Variants in ZNF649 observed in about 807,000 individuals in gnomAD.
ZNF649 encodes zinc finger protein 649.
A neutral mutation model predicts 14.1 loss-of-function variants in ZNF649; 7 were observed. The ratio of observed to expected loss-of-function variants is 0.49; its 90% CI spans 0.28 to 0.93. ZNF649 has a LOEUF of 0.93. Among genes scored for constraint, ZNF649 ranks in the 40% least tolerant of loss-of-function variants. The pLI is 0.10. For synonymous variants in ZNF649, 227 were observed against 212.3 expected, an observed-to-expected ratio of 1.07 and a Z score of -0.60; for missense variants, 544 against 608.1, an observed-to-expected ratio of 0.89 and a Z score of 1.11.
intron 1 of ZNF649, among the ~76,000 whole-genome samples, chr19:51,903,318 G>C (rs978233871): frequency 6.6e-6 from 1 of 151,928 alleles, no homozygotes; most frequent in Non-Finnish European, 1.5e-5. Flanking sequence ...CCTGTTGCCA[G>C]GCAGAGCTAA....
chr19:51,897,374 T>C (rs536492534), intron 2 of ZNF649, among the ~76,000 whole-genome samples: 160 of 152,302 alleles, frequency 1.1e-3, no homozygotes, highest in African/African-American at 3.8e-3. Flanking sequence ...CAGCCATCCA[T>C]TAATCCAACA....
Position 51,891,595 on chromosome 19 carries a change from T to C in ZNF649, c.541A>G (p.Thr181Ala). 1 of 1,614,250 alleles carries C rather than the reference T, an allele frequency of 6.2e-7. No individual in the cohort carries two copies. ...THNIEKAHECTDCGKAFLKKS... is the reference protein window; with the variant it reads ...THNIEKAHECADCGKAFLKKS... The stretch of plus-strand genomic sequence containing the variant: ...TTGAGGAAAGCTTTCCCACAGTCAG[T>C]GCATTCATGGGCTTTCTCTATGTTG... Residue 181 changes from threonine (T) to alanine (A), a missense_variant, in exon 5 of 5, where the codon ACT becomes GCT. Thr to Ala is a moderately conservative substitution (Grantham distance 58). Coordinates refer to ENST00000354957, the MANE Select transcript of ZNF649 (RefSeq NM_023074.4). This position sits in a 1 kb window ranked among gnomAD's most constrained non-coding sequence, Gnocchi z 4.2.
At chr19:51,899,865 G>C in intron 2 of ZNF649, 1 of 387,092 alleles carries the variant, frequency 2.6e-6, no homozygotes, top group East Asian at 3.7e-5. Context: ...GTAGCCAACA[G>C]GGTCTGGCAG....
At chr19:51,893,654 A>G (rs2085038939) in intron 4 of ZNF649, among the ~76,000 whole-genome samples, 1 of 152,182 alleles carries the variant, frequency 6.6e-6, no homozygotes, top group African/African-American at 2.4e-5. Flanking sequence ...CCAAATATGG[A>G]AACTGTCACC....
rs1444602765 is a variant in ZNF649 at position 51,900,225 on chromosome 19, T to C, written c.-118A>G. 2.4e-6 allele frequency: 2 copies of C among 817,598 alleles called. No individual in the cohort carries two copies. Among genetic ancestry groups the C allele is most frequent in the Admixed American group, 2.9e-5 (1 of 33,926 alleles). The allele number at this position is 817,598 out of a possible 1,614,324, so 50.6% of individuals were successfully genotyped here. ...CTCCATTTAAGAGTGTTCCCAGAAA[T>C]GATGACATCCACATCCAGGAACCTC... On this transcript the variant is annotated 5_prime_UTR_variant, in exon 2 of 5. Transcript: ENST00000354957.
Position 51,896,861 on chromosome 19 carries a change from C to G in ZNF649, c.133G>C (p.Val45Leu), listed in dbSNP as rs1425330953. Residue 45 changes from valine to leucine, a missense_variant, in exon 3 of 5, where the codon GTG (valine) becomes CTG (leucine). Transcript: ENST00000354957. ...GGGCAGCTGTCCTCACCCACTGACA[C>G]AAGGTTGCTGTAGTTCTCCAACATC... ...DVMLENYSNL[V>L]SVGYQAGKPD... 6.2e-7 allele frequency: 1 copy of G among 1,614,150 alleles called. No individual in the cohort carries two copies. Among genetic ancestry groups the G allele is most frequent in the Non-Finnish European group, 8.5e-7 (1 of 1,180,026 alleles).
Position 51,890,629 on chromosome 19 carries a change from G to T in ZNF649, c.1507C>A (p.Leu503Met). ...VAGQCEFAHI[L>M]HS ...CAGCAAACTGTTTATCATGAATGCA[G>T]GATGTGGGCAAACTCACACTGCCCT... The change falls in exon 5 of 5, where the codon CTG becomes ATG. Residue 503 changes from leucine to methionine, a missense_variant. Transcript: ENST00000354957. The T allele has an allele frequency of 6.2e-7, 1 of 1,607,462 alleles. No homozygotes were observed. Among genetic ancestry groups the T allele is most frequent in the South Asian group, 1.1e-5 (1 of 90,690 alleles).
At chr19:51,897,979 G>A (rs985274882) in intron 2 of ZNF649, among the ~76,000 whole-genome samples, 7 of 151,386 alleles carry the variant, frequency 4.6e-5, no homozygotes, top group Non-Finnish European at 1.5e-5. Context: ...AAAATTAGGT[G>A]GGCATGGTGG....
rs758965428 is a variant in ZNF649 at position 51,896,566 on chromosome 19, C to T, written c.144G>A (p.Gly48=). 1 of 1,614,104 alleles carries T rather than the reference C, an allele frequency of 6.2e-7. No individual in the cohort carries two copies. The highest frequency in any genetic ancestry group is 2.2e-5 in the East Asian group (1 of 44,882). ...GGGCATCAGGTTTGCCGGCTTGATA[C>T]CCTGTTTGTGGGAAATGGGAGAAGA... ...LENYSNLVSV[G]YQAGKPDALT... is the part of the protein sequence containing the mutation. Residue 48 remains glycine, a splice_region_variant and synonymous_variant, in exon 4 of 5, where the codon GGG becomes GGA. Coordinates refer to ENST00000354957, the MANE Select transcript of ZNF649 (RefSeq NM_023074.4).
intron 2 of ZNF649, among the ~76,000 whole-genome samples, chr19:51,898,726 G>A (rs1330142713): frequency 6.6e-6 from 1 of 151,066 alleles, no homozygotes; most frequent in African/African-American, 2.4e-5. Flanking sequence ...TCCTGGCCAA[G>A]ATATTGAAAC....
chr19:51,897,493 T>C (rs1310478015), intron 2 of ZNF649, among the ~76,000 whole-genome samples: 1 of 152,160 alleles, frequency 6.6e-6, no homozygotes. Flanking sequence ...GCTACAGTCA[T>C]ATAGTACGTG....
intron 1 of ZNF649, among the ~76,000 whole-genome samples, chr19:51,903,469 T>C (rs954254126): frequency 1.3e-5 from 2 of 152,148 alleles, no homozygotes; most frequent in Non-Finnish European, 2.9e-5. Context: ...TCCAAGGCTT[T>C]TGGGAGACAT....
At position 51,891,272 on chromosome 19, in the gene ZNF649, C is replaced by T. The variant is rs1400322232; in HGVS notation, c.864G>A (p.Lys288=). 6.2e-7 allele frequency: 1 copy of T among 1,614,182 alleles called. No homozygotes were observed. The part of the protein sequence containing the change: ...TEHQRIHTGI[K]PHQCSECGRA... The stretch of plus-strand genomic sequence containing the variant: ...TCCCACATTCGCTGCATTGATGGGG[C>T]TTAATTCCCGTGTGAATCCTTTGAT... Residue 288 remains lysine (K), a synonymous_variant, in exon 5 of 5, where the codon AAG becomes AAA. Transcript: ENST00000354957. This position sits in a 1 kb window ranked among gnomAD's most constrained non-coding sequence, Gnocchi z 4.2.
Position 51,890,520 on chromosome 19 carries a change from C to T in ZNF649, c.*98G>A. The T allele has an allele frequency of 1.4e-6, 1 of 727,056 alleles. No individual in the cohort carries two copies. The highest frequency in any genetic ancestry group is 2.3e-6 in the Non-Finnish European group (1 of 439,392). The allele number at this position is 727,056 out of a possible 1,614,324, so 45.0% of individuals were successfully genotyped here. A position where few individuals can be genotyped will look rare whatever the true frequency, so the allele number is the denominator to read the frequency against. ...TAAAATATATTTCATATCTTGTAAA[C>T]CCTACTATACATATTAGTGCAGGGA... On this transcript the variant is annotated 3_prime_UTR_variant, in exon 5 of 5. Coordinates refer to ENST00000354957, the MANE Select transcript of ZNF649 (RefSeq NM_023074.4).
At chr19:51,898,476 G>C (rs2085076887) in intron 2 of ZNF649, among the ~76,000 whole-genome samples, 1 of 152,146 alleles carries the variant, frequency 6.6e-6, no homozygotes, top group African/African-American at 2.4e-5. Context: ...AGGTACAGAA[G>C]TCAAGGTCCA....
At chr19:51,896,435 C>T (rs376064193) in intron 4 of ZNF649, 37 bp downstream of exon 4, 70 of 1,585,908 alleles carry the variant, frequency 4.4e-5, no homozygotes, top group African/African-American at 4.3e-4. Context: ...ATGTGACTTC[C>T]GCTGCCTTCC....
Position 51,900,170 on chromosome 19 carries a change from C to G in ZNF649, c.-63G>C. 1 of 1,396,572 alleles carries G rather than the reference C, an allele frequency of 7.2e-7. No individual in the cohort carries two copies. The highest frequency in any genetic ancestry group is 9.4e-7 in the Non-Finnish European group (1 of 1,059,186). 86.5% of individuals were successfully genotyped at this position (1,396,572 alleles called of 1,614,324 possible). ...CTTCGTCTTTGGTTTCTTCTGGATC[C>G]TCCCTAAATTTTGGCTAAGAAATCT... On this transcript the variant is annotated 5_prime_UTR_variant, in exon 2 of 5. Coordinates refer to ENST00000354957, the MANE Select transcript of ZNF649 (RefSeq NM_023074.4).
rs373916248 is a variant in ZNF649 at position 51,891,338 on chromosome 19, T to C, written c.798A>G (p.Glu266=). 6.2e-6 allele frequency: 10 copies of C among 1,614,056 alleles called. No individual in the cohort carries two copies. Among genetic ancestry groups the C allele is most frequent in the Middle Eastern group, 3.3e-4 (2 of 6,084 alleles). ...HKGEKPYGCS[E]CGKAFPRKSE... is the part of the protein sequence containing the mutation. ...ATTTCCTGGGGAAGGCTTTCCCACATTCACTGCACCCGTATGGTTTCTCTC... is the reference window on the plus strand; with the variant it reads ...ATTTCCTGGGGAAGGCTTTCCCACACTCACTGCACCCGTATGGTTTCTCTC... Residue 266 remains glutamate (E), a synonymous_variant, in exon 5 of 5, where the codon GAA becomes GAG. Transcript: ENST00000354957. This position sits in a 1 kb window ranked among gnomAD's most constrained non-coding sequence, Gnocchi z 4.2.
chr19:51,902,944 TAAA>T (rs2085103167), intron 1 of ZNF649, among the ~76,000 whole-genome samples: 1 of 152,092 alleles, frequency 6.6e-6, no homozygotes, highest in Admixed American at 6.5e-5. Context: ...GTGAAAATAA[TAAA>T]AGTGAGATCG....
Sources: gnomAD v4.1 joint callset for allele counts (sites outside exome capture counted in the v4.1 genomes callset) on GRCh38, gnomAD v4.1.1 for gene constraint, Gnocchi (gnomAD v3.1) non-coding constraint, MANE v1.5 for transcripts, NCBI Gene and HGNC (gene_info 2026-07-23, HGNC 2026-07-21) for gene names.